The following COL16A1 variants were observed in gnomAD, a reference collection of about 807,000 sequenced individuals.
COL16A1 encodes the protein collagen type XVI alpha 1 chain, also known as collagen alpha-1(XVI) chain.
COL16A1 carries 189 observed loss-of-function variants against 266.3 expected under a neutral mutation model. That is an observed-to-expected ratio of 0.71 (90% CI 0.63 to 0.80). The LOEUF is 0.80. COL16A1 is among the 30% of genes least tolerant of loss of function. The pLI is 0.00. For missense variants in COL16A1, 1,928 were observed against 2,122.4 expected (o/e 0.91, Z 1.80); for synonymous variants, 740 against 782.3 (o/e 0.95, Z 0.90).
At chr1:31,683,168 C>T (rs1402427034) in intron 36 of COL16A1, 26 bp downstream of exon 36, 3 of 1,613,978 alleles carry the variant, frequency 1.9e-6, no homozygotes, top group East Asian at 2.2e-5. Flanking sequence ...ACTGCAGGCC[C>T]AATACCCATG....
intron 26 of COL16A1, among the ~76,000 whole-genome samples, chr1:31,687,534 G>A (rs1257053291): frequency 1.3e-5 from 2 of 151,894 alleles, no homozygotes; most frequent in East Asian, 1.9e-4. Flanking sequence ...CCATGGGGAC[G>A]CAGATTACTA....
In COL16A1 at chr1:31,684,139, G is replaced by C. The variant is rs1273775576; in HGVS notation, c.2253C>G (p.Gly751=). 1.3e-6 allele frequency: 2 copies of C among 1,558,796 alleles called. No homozygotes were observed. The highest frequency in any genetic ancestry group is 3.8e-5 in the Admixed American group (2 of 52,018). ...PGQPGPKGEQ[G]PEGVGRPGKP... ...TACCAGGTCGGCCCACGCCTTCGGG[G>C]CCCTGCTCTCCTTTGGGGCCGGGCT... Residue 751 remains glycine, a synonymous_variant, in exon 32 of 71, where the codon GGC becomes GGG. Coordinates refer to ENST00000373672, the MANE Select transcript of COL16A1 (RefSeq NM_001856.4).
At chr1:31,683,833 T>G (rs1643826831) in intron 33 of COL16A1, 85 bp from the exon 34 acceptor site, 2 of 1,608,244 alleles carry the variant, frequency 1.2e-6, no homozygotes, top group African/African-American at 1.3e-5. Flanking sequence ...CTCCAGCTTC[T>G]TCCTGCCCTG....
chr1:31,691,149 T>C, intron 20 of COL16A1, 39 bp downstream of exon 20: 3 of 1,604,732 alleles, frequency 1.9e-6, no homozygotes, highest in Non-Finnish European at 2.6e-6. Context: ...CTGTCAAGCA[T>C]GGAGCTCCCC....
Position 31,658,974 on chromosome 1 carries a change from G to C in COL16A1, c.3880-10C>G. 1 of 1,553,114 alleles carries C rather than the reference G, an allele frequency of 6.4e-7. No individual in the cohort carries two copies. The highest frequency in any genetic ancestry group is 8.7e-7 in the Non-Finnish European group (1 of 1,147,748). On this transcript the variant is annotated splice_polypyrimidine_tract_variant and intron_variant, in intron 62 of 70. Coordinates refer to ENST00000373672, the MANE Select transcript of COL16A1 (RefSeq NM_001856.4). Reference sequence around the variant, plus strand: ...GAGGCCCTGGTGGCCCCTAAAGAGAGATGAGTCAGTGGGATAGAAACAGGT... The same window carrying C: ...GAGGCCCTGGTGGCCCCTAAAGAGACATGAGTCAGTGGGATAGAAACAGGT...
At chr1:31,683,896 T>C (rs1015286994) in intron 33 of COL16A1, 54 bp downstream of exon 33, 2 of 1,612,390 alleles carry the variant, frequency 1.2e-6, no homozygotes, top group African/African-American at 1.3e-5. Flanking sequence ...GATCTCCCTA[T>C]CCCACCCCTG....
In COL16A1 at chr1:31,665,580, C is replaced by T. The variant is rs1178490478; in HGVS notation, c.3492+3G>A. Reference sequence around the variant, plus strand: ...GAGCTGGCTTTGTGTCTTCTTCACTCACCGGTGGGCCCGGAAAGCCTGGCT... The same window carrying T: ...GAGCTGGCTTTGTGTCTTCTTCACTTACCGGTGGGCCCGGAAAGCCTGGCT... On this transcript the variant is annotated splice_donor_region_variant and intron_variant, in intron 55 of 70. Coordinates refer to ENST00000373672, the MANE Select transcript of COL16A1 (RefSeq NM_001856.4). 6.2e-7 allele frequency: 1 copy of T among 1,614,194 alleles called. No homozygotes were observed. The highest frequency in any genetic ancestry group is 2.2e-5 in the East Asian group (1 of 44,872).
chr1:31,672,471 A>G lies in COL16A1; in HGVS notation c.3050T>C (p.Val1017Ala). 6.2e-7 allele frequency: 1 copy of G among 1,614,106 alleles called. No homozygotes were observed. The highest frequency in any genetic ancestry group is 8.5e-7 in the Non-Finnish European group (1 of 1,179,998). Residue 1017 changes from valine (V) to alanine (A), a missense_variant, in exon 47 of 71, where the codon GTT (valine) becomes GCT (alanine). By Grantham distance (64) the Val-to-Ala change is moderately conservative (BLOSUM62 0). Around this residue, in one of 2 missense-constraint regions of COL16A1, gnomAD observed 1,552 missense variants for 1,637.2 expected, o/e 0.95. Coordinates refer to ENST00000373672, the MANE Select transcript of COL16A1 (RefSeq NM_001856.4). ...GDNSEGDPGC[V>A]GSPGLPGPPG... ...AGGACCAGGTAGGCCTGGGCTCCCAACACAGCCAGGATCTCCCTCACTGTT... is the reference window on the plus strand; with the variant it reads ...AGGACCAGGTAGGCCTGGGCTCCCAGCACAGCCAGGATCTCCCTCACTGTT...
rs1318084633 is a variant in COL16A1, at chr1:31,664,380, G to A, written c.3555+792C>T. ...AGTTTCCTCACCTGCACAGTGAGAC[G>A]TTCATGCGTGTGCTCTCAGGGGAAA... On this transcript the variant is annotated intron_variant, in intron 56 of 70. Transcript: ENST00000373672. The surrounding 1 kb of genome is among the most constrained non-coding windows in gnomAD (Gnocchi z 5.5). Among the ~76,000 whole-genome samples, 2 of 152,110 alleles carry A rather than the reference G, an allele frequency of 1.3e-5. No homozygotes were observed. Among genetic ancestry groups the A allele is most frequent in the East Asian group, 1.9e-4 (1 of 5,188 alleles).
In COL16A1 at chr1:31,682,950, C is replaced by T; in HGVS notation, c.2522G>A (p.Ser841Asn). 6.2e-7 allele frequency: 1 copy of T among 1,614,112 alleles called. No homozygotes were observed. The highest frequency in any genetic ancestry group is 8.5e-7 in the Non-Finnish European group (1 of 1,180,010). Residue 841 changes from serine (S) to asparagine (N), a missense_variant, in exon 37 of 71, where the codon AGT (serine) becomes AAT (asparagine). By Grantham distance (46) the Ser-to-Asn change is conservative. Coordinates refer to ENST00000373672, the MANE Select transcript of COL16A1 (RefSeq NM_001856.4). ...ATGPVGPPGASVSGPPGRDGQ... is the reference protein window; with the variant it reads ...ATGPVGPPGANVSGPPGRDGQ... Reference sequence around the variant, plus strand: ...AAGACTTACCGGAGGCCCAGAGACACTGGCCCCAGGAGGTCCCACAGGTCC... The same window carrying T: ...AAGACTTACCGGAGGCCCAGAGACATTGGCCCCAGGAGGTCCCACAGGTCC...
intron 42 of COL16A1, among the ~76,000 whole-genome samples, chr1:31,676,091 G>A (rs746127047): frequency 6.6e-6 from 1 of 152,138 alleles, no homozygotes; most frequent in Admixed American, 6.5e-5. Flanking sequence ...TTGGGAGGCC[G>A]AGGTGGGCGG....
intron 18 of COL16A1, 43 bp from the exon 19 acceptor site, chr1:31,691,555 G>A (rs112514239): frequency 3.1e-6 from 5 of 1,613,930 alleles, no homozygotes; most frequent in Non-Finnish European, 4.2e-6. Flanking sequence ...TGCCACCCCA[G>A]CCCTGCCACC....
At position 31,699,814 on chromosome 1, in the gene COL16A1, G is replaced by T. The variant is rs756791119; in HGVS notation, c.265C>A (p.Arg89=). The T allele has an allele frequency of 6.3e-7, 1 of 1,587,984 alleles. No homozygotes were observed. Among genetic ancestry groups the T allele is most frequent in the Middle Eastern group, 1.7e-4 (1 of 5,798 alleles). Residue 89 remains arginine (R), a splice_region_variant and synonymous_variant, in exon 4 of 71, where the codon CGA becomes AGA. Coordinates refer to ENST00000373672, the MANE Select transcript of COL16A1 (RefSeq NM_001856.4). ...LGAAPVTQPT[R]RVFPRGLPEE... is the part of the protein sequence containing the mutation. ...CAGTGGTCACATGGATGCATTTACCGCGTGGGCTGGGTCACGGGGGCCGCC... is the reference window on the plus strand; with the variant it reads ...CAGTGGTCACATGGATGCATTTACCTCGTGGGCTGGGTCACGGGGGCCGCC...
In COL16A1 at chr1:31,688,929, G is replaced by A; in HGVS notation, c.1699C>T (p.His567Tyr). Residue 567 changes from histidine (H) to tyrosine (Y), a missense_variant, in exon 25 of 71, where the codon CAT (histidine) becomes TAT (tyrosine). By Grantham distance (83) the His-to-Tyr change is moderately conservative. Transcript: ENST00000373672. The surrounding 1 kb of genome is among the most constrained non-coding windows in gnomAD (Gnocchi z 4.9). ...LSCSSVVGAQ[H>Y]LVSSTGASGD... The stretch of plus-strand genomic sequence containing the variant: ...CTGGCCCCTGTGGAGGACACAAGAT[G>A]CTGGGCCCCTACAACCGAGCTGCAG... 1 of 1,614,188 alleles carries A rather than the reference G, an allele frequency of 6.2e-7. No homozygotes were observed. The highest frequency in any genetic ancestry group is 8.5e-7 in the Non-Finnish European group (1 of 1,180,024).
At position 31,688,489 on chromosome 1, in the gene COL16A1, A is replaced by G; in HGVS notation, c.1781T>C (p.Val594Ala). ...CACCTTCTCTCCTTTCAGCCCTGGA[A>G]CCCCAGCTCTACCCTGAAAAACAAC... ...GLPGLPGRAGVPGLKGEKGNF... is the reference protein window; with the variant it reads ...GLPGLPGRAGAPGLKGEKGNF... Residue 594 changes from valine (V) to alanine (A), a missense_variant, in exon 26 of 71, where the codon GTT (valine) becomes GCT (alanine). This residue lies in a region of COL16A1 where 1,552 missense variants were observed against 1,637.2 expected (regional missense o/e 0.95). Coordinates refer to ENST00000373672, the MANE Select transcript of COL16A1 (RefSeq NM_001856.4). The surrounding 1 kb of genome is among the most constrained non-coding windows in gnomAD (Gnocchi z 4.9). The G allele has an allele frequency of 1.9e-6, 3 of 1,613,994 alleles. No individual in the cohort carries two copies. The highest frequency in any genetic ancestry group is 2.5e-6 in the Non-Finnish European group (3 of 1,180,000).
chr1:31,663,088 C>T lies in COL16A1; in HGVS notation c.3556-430G>A, dbSNP rs1557619809. 1 of 237,006 alleles carries T rather than the reference C, an allele frequency of 4.2e-6. No homozygotes were observed. Among genetic ancestry groups the T allele is most frequent in the Non-Finnish European group, 8.5e-6 (1 of 118,290 alleles). The allele number at this position is 237,006 out of a possible 1,614,324, so 14.7% of individuals were successfully genotyped here. A position where few individuals can be genotyped will look rare whatever the true frequency, so the allele number is the denominator to read the frequency against. On this transcript the variant is annotated intron_variant, in intron 56 of 70. Coordinates refer to ENST00000373672, the MANE Select transcript of COL16A1 (RefSeq NM_001856.4). The surrounding 1 kb of genome is among the most constrained non-coding windows in gnomAD (Gnocchi z 4.9). ...CCAGCAGACATGGGCCCGGGCTGCACAGAGGCCTCAACAGCGCACGCAGCA... is the reference window on the plus strand; with the variant it reads ...CCAGCAGACATGGGCCCGGGCTGCATAGAGGCCTCAACAGCGCACGCAGCA...
At chr1:31,674,289 G>A (rs1042614053) in intron 44 of COL16A1, among the ~76,000 whole-genome samples, 1 of 152,202 alleles carries the variant, frequency 6.6e-6, no homozygotes, top group Non-Finnish European at 1.5e-5. Context: ...TGGGCTAGAG[G>A]AGAGAAAGTC....
At chr1:31,691,783 C>T in intron 17 of COL16A1, 141 bp from the exon 18 acceptor site, 1 of 1,245,716 alleles carries the variant, frequency 8.0e-7, no homozygotes, top group Non-Finnish European at 1.1e-6. Context: ...AAGGTCAGCA[C>T]ATGTCAACCT....
Position 31,655,360 on chromosome 1 carries a change from G to A in COL16A1, c.4244C>T (p.Pro1415Leu), listed in dbSNP as rs779469775. The part of the protein sequence containing the change: ...PAGERGHPGA[P>L]GPSGSPGLPG... ...CAAGCCAGGGCTCCCCGAAGGCCCCGGAGCTCCAGGGTGGCCTCTCTCTCC... is the reference window on the plus strand; with the variant it reads ...CAAGCCAGGGCTCCCCGAAGGCCCCAGAGCTCCAGGGTGGCCTCTCTCTCC... The change falls in exon 67 of 71, where the codon CCG becomes CTG. Residue 1415 changes from proline to leucine, a missense_variant. Physicochemically the swap from Pro to Leu is moderately conservative, Grantham distance 98 (BLOSUM62 -3). Around this residue, in one of 2 missense-constraint regions of COL16A1, gnomAD observed 376 missense variants for 485.2 expected, o/e 0.77. Transcript: ENST00000373672. The A allele has an allele frequency of 2.0e-5, 32 of 1,613,770 alleles. No homozygotes were observed. The highest frequency in any genetic ancestry group is 1.6e-4 in the Middle Eastern group (1 of 6,076).
Sources: allele counts gnomAD v4.1 joint callset (sites outside exome capture counted in the v4.1 genomes callset), GRCh38; gene constraint gnomAD v4.1.1; regional missense constraint gnomAD v4.1.1; non-coding constraint Gnocchi (gnomAD v3.1); transcripts MANE v1.5; gene names NCBI Gene and HGNC (gene_info 2026-07-23, HGNC 2026-07-21).